Variants in SPON1 observed in about 807,000 individuals in gnomAD.
SPON1 encodes spondin-1.
A neutral mutation model predicts 111.7 loss-of-function variants in SPON1; 52 were observed. The observed-to-expected ratio is 0.47, with a 90% CI of 0.37 to 0.59. The LOEUF (loss-of-function observed/expected upper bound fraction) is 0.59. Ranked by LOEUF, SPON1 falls within the 20% of genes least tolerant of loss-of-function variation. SPON1 has a pLI of 0.00. For synonymous variants in SPON1, 410 were observed against 395.8 expected, an observed-to-expected ratio of 1.04 and a Z score of -0.43; for missense variants, 957 against 1,068.5, an observed-to-expected ratio of 0.90 and a Z score of 1.46.
intron 6 of SPON1, among the ~76,000 whole-genome samples, chr11:14,220,332 T>C (rs1554937491): frequency 2.0e-5 from 3 of 152,148 alleles, no homozygotes; most frequent in Non-Finnish European, 4.4e-5. Context: ...ACATCCTAGG[T>C]AACAAAACTC....
chr11:14,265,097 C>CAA (rs1849248477), intron 15 of SPON1, among the ~76,000 whole-genome samples: 1 of 152,260 alleles, frequency 6.6e-6, no homozygotes, highest in Non-Finnish European at 1.5e-5. Flanking sequence ...GCTGGTGGCA[C>CAA]AATTGGACCA....
intron 2 of SPON1, among the ~76,000 whole-genome samples, chr11:14,031,160 T>C (rs1156346293): frequency 6.6e-6 from 1 of 152,138 alleles, no homozygotes; most frequent in Non-Finnish European, 1.5e-5. Flanking sequence ...TGGATTCATA[T>C]GGACATAAAG....
intron 3 of SPON1, among the ~76,000 whole-genome samples, chr11:14,071,744 C>G (rs1848878311): frequency 6.6e-6 from 1 of 152,078 alleles, no homozygotes; most frequent in Non-Finnish European, 1.5e-5. Context: ...CGGAGTCTCC[C>G]TCTGTCATCC....
At chr11:14,016,997 GGT>G (rs1318396001) in intron 2 of SPON1, among the ~76,000 whole-genome samples, 1 of 152,142 alleles carries the variant, frequency 6.6e-6, no homozygotes, top group Non-Finnish European at 1.5e-5. Context: ...CCTCTTTTCA[GGT>G]GCCCAGAGAT....
At chr11:14,193,991 T>G (rs1179875627) in intron 6 of SPON1, among the ~76,000 whole-genome samples, 1 of 152,216 alleles carries the variant, frequency 6.6e-6, no homozygotes, top group Non-Finnish European at 1.5e-5. Context: ...GAAGGACCCC[T>G]GCTGAGCCCC....
chr11:14,098,739 A>G (rs1554924145), intron 5 of SPON1, among the ~76,000 whole-genome samples: 1 of 152,074 alleles, frequency 6.6e-6, no homozygotes, highest in Non-Finnish European at 1.5e-5. Flanking sequence ...AGAGGGAAAG[A>G]GAGGCAGCCA....
intron 2 of SPON1, among the ~76,000 whole-genome samples, chr11:14,007,481 G>C (rs1398272959): frequency 6.6e-6 from 1 of 152,094 alleles, no homozygotes; most frequent in Non-Finnish European, 1.5e-5. Context: ...TTTTCTGCCT[G>C]CTTTATATTC....
intron 6 of SPON1, among the ~76,000 whole-genome samples, chr11:14,180,151 G>A (rs1345248413): frequency 2.6e-5 from 4 of 152,138 alleles, no homozygotes; most frequent in African/African-American, 7.2e-5. Context: ...GGGTTCCCAG[G>A]ATGTGAGACT....
chr11:14,047,325 G>T (rs1848675839), intron 3 of SPON1, among the ~76,000 whole-genome samples: 1 of 152,150 alleles, frequency 6.6e-6, no homozygotes, highest in African/African-American at 2.4e-5. Context: ...AGTTGAGGAA[G>T]ACCCTTTAGC....
At chr11:14,083,627 T>C (rs1454148804) in intron 5 of SPON1, among the ~76,000 whole-genome samples, 4 of 152,228 alleles carry the variant, frequency 2.6e-5, no homozygotes, top group African/African-American at 9.6e-5. Flanking sequence ...ATGCAGATTG[T>C]GCAAGTGTTG....
intron 1 of SPON1, among the ~76,000 whole-genome samples, chr11:13,974,401 A>G (rs1554908888): frequency 1.3e-5 from 2 of 152,206 alleles, no homozygotes. Context: ...CTGAAACCCA[A>G]GAGACAGAGT....
At chr11:14,195,859 G>A (rs1554935003) in intron 6 of SPON1, among the ~76,000 whole-genome samples, 4 of 152,090 alleles carry the variant, frequency 2.6e-5, no homozygotes, top group African/African-American at 7.2e-5. Context: ...ATATAACTTT[G>A]CAACCATCCT....
chr11:14,010,994 G>A (rs922208197), intron 2 of SPON1, among the ~76,000 whole-genome samples: 3 of 152,262 alleles, frequency 2.0e-5, no homozygotes, highest in Non-Finnish European at 2.9e-5. Flanking sequence ...AACATTCCCC[G>A]CTTTTTTTCT....
At position 13,982,721 on chromosome 11, in the gene SPON1, A is replaced by C. The variant is rs7949330; in HGVS notation, c.239-126A>C. 10,325 of 678,072 alleles carry C rather than the reference A, an allele frequency of 0.015. 781 individuals carry two copies. The African/African-American group carries it at 0.16, about 11-fold the overall frequency. 42.0% of individuals were successfully genotyped at this position (678,072 alleles called of 1,614,324 possible). On this transcript the variant is annotated intron_variant, in intron 1 of 15. Transcript: ENST00000576479. ...CTCACCTCAATGGATGAAGGCCTCAACACTGTCCACGGCCTCTGTAACTCA... is the reference window on the plus strand; with the variant it reads ...CTCACCTCAATGGATGAAGGCCTCACCACTGTCCACGGCCTCTGTAACTCA...
chr11:14,115,662 A>T (rs143782469), intron 5 of SPON1, among the ~76,000 whole-genome samples: 20 of 152,090 alleles, frequency 1.3e-4, no homozygotes, highest in Non-Finnish European at 2.9e-4. Flanking sequence ...TCATTTATCT[A>T]TCCTATTATG....
rs541118910 is a variant in SPON1, at chr11:14,236,037, G to A, written c.826-7295G>A. Among the ~76,000 whole-genome samples the A allele has an allele frequency of 3.9e-5, 6 of 152,330 alleles. No individual in the cohort carries two copies. In the East Asian group the frequency reaches 9.6e-4, roughly 24 times the overall value. On this transcript the variant is annotated intron_variant, in intron 6 of 15. Coordinates refer to ENST00000576479, the MANE Select transcript of SPON1 (RefSeq NM_006108.4). ...AGGCTCAGGAGGACAGGCAGACCAT[G>A]GAGGGTGTGGGGGACCAGAGCAAGG...
chr11:14,216,829 A>T lies in SPON1; in HGVS notation c.826-26503A>T, dbSNP rs140607806. On this transcript the variant is annotated intron_variant, in intron 6 of 15. Coordinates refer to ENST00000576479, the MANE Select transcript of SPON1 (RefSeq NM_006108.4). ...CAACACATGAATTTTGGGGGAACAC[A>T]TTCAAACCATAACATTTACTCTGAA... 7.9e-3 allele frequency among the ~76,000 whole-genome samples: 1,210 copies of T among 152,332 alleles called. 14 individuals are homozygous for T. Among genetic ancestry groups the T allele is most frequent in the African/African-American group, 0.027 (1,135 of 41,578 alleles).
In SPON1 at chr11:13,968,834, G is replaced by A. The variant is rs150160606; in HGVS notation, c.238+5692G>A. ...ACTCCGTTGGCAAAAATTCAGTCAT[G>A]TGGTCATACCTAGCTGCAAGGAAGG... On this transcript the variant is annotated intron_variant, in intron 1 of 15. Coordinates refer to ENST00000576479, the MANE Select transcript of SPON1 (RefSeq NM_006108.4). Among the ~76,000 whole-genome samples the A allele has an allele frequency of 3.2e-3, 480 of 152,294 alleles. 3 individuals carry two copies. The highest frequency in any genetic ancestry group is 0.011 in the African/African-American group (462 of 41,572).
At chr11:14,239,752 T>G (rs1330124377) in intron 6 of SPON1, among the ~76,000 whole-genome samples, 2 of 152,184 alleles carry the variant, frequency 1.3e-5, no homozygotes, top group Admixed American at 1.3e-4. Context: ...ACAGAGCTAG[T>G]AAATGGTACC....
Sources: allele counts gnomAD v4.1 joint callset (sites outside exome capture counted in the v4.1 genomes callset), GRCh38; gene constraint gnomAD v4.1.1; transcripts MANE v1.5; gene names NCBI Gene and HGNC (gene_info 2026-07-23, HGNC 2026-07-21).